Variants in DYM observed in about 807,000 individuals in gnomAD.
DYM encodes the protein dymeclin, also known as dyggve-Melchior-Clausen syndrome protein.
Under a neutral mutation model 93.1 loss-of-function variants are expected in DYM, and 78 were observed. That is an observed-to-expected ratio of 0.84 (90% CI 0.70 to 1.01). The LOEUF is 1.01. Among genes scored for constraint, DYM ranks in the 50% least tolerant of loss-of-function variants. The probability of loss-of-function intolerance (pLI) is 0.00; values close to 1 mark genes in which losing one functional copy is unlikely to be tolerated. For missense variants in DYM, 789 were observed against 845.0 expected (o/e 0.93, Z 0.82); for synonymous variants, 321 against 319.7 (o/e 1.00, Z -0.04).
At chr18:49,311,794 G>A (rs187762197) in intron 8 of DYM, among the ~76,000 whole-genome samples, 138 of 151,504 alleles carry the variant, frequency 9.1e-4, no homozygotes, top group African/African-American at 3.2e-3. Context: ...GTTAACGGGT[G>A]CAGCACACCA....
At chr18:49,218,019 G>A (rs959374538) in intron 13 of DYM, among the ~76,000 whole-genome samples, 1 of 152,026 alleles carries the variant, frequency 6.6e-6, no homozygotes, top group Non-Finnish European at 1.5e-5. Flanking sequence ...CATCTCACGT[G>A]CAGAGACACA....
At chr18:49,136,866 A>T (rs1352759060) in intron 15 of DYM, among the ~76,000 whole-genome samples, 10 of 152,074 alleles carry the variant, frequency 6.6e-5, no homozygotes, top group Non-Finnish European at 1.5e-4. Context: ...TCTTTAATCC[A>T]CTCATAATGG....
At chr18:49,057,517 C>T (rs1407427465) in intron 17 of DYM, among the ~76,000 whole-genome samples, 5 of 152,302 alleles carry the variant, frequency 3.3e-5, no homozygotes, top group Admixed American at 6.5e-5. Flanking sequence ...TTAACTGGGG[C>T]GGGGGGTTTG....
chr18:49,273,070 A>G (rs2094752498), intron 10 of DYM, among the ~76,000 whole-genome samples: 1 of 152,144 alleles, frequency 6.6e-6, no homozygotes, highest in Admixed American at 6.6e-5. Context: ...CAAATTGTTT[A>G]CACATACAAG....
chr18:49,328,816 C>A lies in DYM; in HGVS notation c.763+3048G>T, dbSNP rs188452441. Among the ~76,000 whole-genome samples, 1,476 of 152,250 alleles carry A rather than the reference C, an allele frequency of 9.7e-3. 49 individuals carry two copies. The highest frequency in any genetic ancestry group is 0.072 in the Admixed American group (1,105 of 15,286). On this transcript the variant is annotated intron_variant, in intron 8 of 17. Transcript: ENST00000675505. ...TGGAGAGGATGTGGAGAAATAGGAACACTTTTACACTGTTGGTGGGACTGT... is the reference window on the plus strand; with the variant it reads ...TGGAGAGGATGTGGAGAAATAGGAAAACTTTTACACTGTTGGTGGGACTGT...
At chr18:49,420,594 A>G (rs2148332650) in intron 2 of DYM, among the ~76,000 whole-genome samples, 1 of 152,338 alleles carries the variant, frequency 6.6e-6, no homozygotes, top group South Asian at 2.1e-4. Context: ...CAGCATGAGC[A>G]ACACAGAAGA....
intron 15 of DYM, among the ~76,000 whole-genome samples, chr18:49,127,933 C>T (rs1031508973): frequency 1.3e-5 from 2 of 152,234 alleles, no homozygotes; most frequent in African/African-American, 4.8e-5. Flanking sequence ...CCACTGGTCT[C>T]ATGCGGGGAT....
intron 17 of DYM, among the ~76,000 whole-genome samples, chr18:49,060,025 T>C (rs2075821958): frequency 6.6e-6 from 1 of 152,136 alleles, no homozygotes; most frequent in African/African-American, 2.4e-5. Context: ...TTAATAAAAA[T>C]ATGAAATATG....
chr18:49,111,184 T>C (rs781233612), intron 16 of DYM, among the ~76,000 whole-genome samples: 27 of 152,216 alleles, frequency 1.8e-4, no homozygotes, highest in Non-Finnish European at 2.8e-4. Context: ...TTCTGTAACA[T>C]ATTCTTCTTT....
chr18:49,388,220 C>T (rs2068824931), intron 3 of DYM, among the ~76,000 whole-genome samples: 2 of 152,070 alleles, frequency 1.3e-5, no homozygotes, highest in South Asian at 4.1e-4. Context: ...ATCCCAGCTA[C>T]TCAGGAGGCT....
At position 49,185,328 on chromosome 18, in the gene DYM, G is replaced by C. The variant is rs575736799; in HGVS notation, c.1626-21541C>G. ...AATTGGATTTGAAAAACACAATGCT[G>C]CTAAAAATTACATCTTTAAGACTTA... On this transcript the variant is annotated intron_variant, in intron 14 of 17. Transcript: ENST00000675505. Among the ~76,000 whole-genome samples the C allele has an allele frequency of 7.9e-5, 12 of 152,258 alleles. 1 individual carries two copies. The South Asian group carries it at 2.1e-3, about 26-fold the overall frequency.
At chr18:49,426,704 TG>T (rs2074325355) in intron 2 of DYM, among the ~76,000 whole-genome samples, 1 of 151,820 alleles carries the variant, frequency 6.6e-6, no homozygotes, top group African/African-American at 2.4e-5. Flanking sequence ...CAAAACTTGC[TG>T]AACTGGGTAT....
At chr18:49,309,217 C>T (rs1204471661) in intron 8 of DYM, among the ~76,000 whole-genome samples, 1 of 152,186 alleles carries the variant, frequency 6.6e-6, no homozygotes, top group Non-Finnish European at 1.5e-5. Context: ...AAAAAGCATA[C>T]TTAGAGAAAA....
At chr18:49,256,868 C>G (rs2094401782) in intron 13 of DYM, 142 bp downstream of exon 13, 1 of 692,226 alleles carries the variant, frequency 1.4e-6, no homozygotes, top group Middle Eastern at 3.4e-4. Flanking sequence ...GAGCTATTTT[C>G]AACCAAACAA....
intron 2 of DYM, among the ~76,000 whole-genome samples, chr18:49,408,450 T>C (rs1600010982): frequency 6.6e-6 from 1 of 152,208 alleles, no homozygotes; most frequent in Admixed American, 6.5e-5. Flanking sequence ...GGAAGTGCAA[T>C]TGCTAGGTCA....
chr18:49,209,817 T>A, intron 13 of DYM, 102 bp from the exon 14 acceptor site: 1 of 678,668 alleles, frequency 1.5e-6, no homozygotes, highest in East Asian at 9.7e-5. Flanking sequence ...GTATCTTCAC[T>A]AGATGGTGCC....
chr18:49,071,626 A>G (rs532095994), intron 17 of DYM, among the ~76,000 whole-genome samples: 97 of 152,340 alleles, frequency 6.4e-4, no homozygotes, highest in African/African-American at 2.3e-3. Flanking sequence ...CGGAGCTACA[A>G]CAGTCAAGGG....
At chr18:49,324,532 C>T (rs1190207500) in intron 8 of DYM, among the ~76,000 whole-genome samples, 1 of 152,070 alleles carries the variant, frequency 6.6e-6, no homozygotes, top group African/African-American at 2.4e-5. Flanking sequence ...CTGTTATTGG[C>T]CAAATTTTGC....
At chr18:49,354,061 C>T (rs2065341906) in intron 6 of DYM, among the ~76,000 whole-genome samples, 1 of 152,038 alleles carries the variant, frequency 6.6e-6, no homozygotes, top group Admixed American at 6.6e-5. Context: ...GACAGCATGA[C>T]ACTGGCAAAA....
Sources: gnomAD v4.1 joint callset for allele counts (sites outside exome capture counted in the v4.1 genomes callset) on GRCh38, gnomAD v4.1.1 for gene constraint, MANE v1.5 for transcripts, NCBI Gene and HGNC (gene_info 2026-07-23, HGNC 2026-07-21) for gene names.